Variants in AP2A2 observed in about 807,000 individuals in gnomAD.
The protein encoded by AP2A2 is adaptor related protein complex 2 subunit alpha 2.
AP2A2 carries 32 observed loss-of-function variants against 104.2 expected under a neutral mutation model. The ratio of observed to expected loss-of-function variants is 0.31; its 90% confidence interval spans 0.23 to 0.41. The LOEUF (loss-of-function observed/expected upper bound fraction) is 0.41. Ranked by LOEUF, AP2A2 falls within the 10% of genes least tolerant of loss-of-function variation. The probability of loss-of-function intolerance (pLI) is 1.00; values close to 1 mark genes in which losing one functional copy is unlikely to be tolerated. For synonymous variants in AP2A2, 539 were observed against 533.3 expected (o/e 1.01, Z -0.15); for missense variants, 912 against 1,261.0 (o/e 0.72, Z 4.19).
chr11:946,162 G>T (rs1295776529), intron 1 of AP2A2, among the ~76,000 whole-genome samples: 2 of 152,192 alleles, frequency 1.3e-5, no homozygotes, highest in Non-Finnish European at 1.5e-5. Context: ...ACTCTGAGGA[G>T]CTTTTATCTG....
At position 994,076 on chromosome 11, in the gene AP2A2, C is replaced by T; in HGVS notation, c.1787C>T (p.Thr596Ile). The change falls in exon 14 of 22, where the codon ACC (threonine) becomes ATC (isoleucine). Residue 596 changes from threonine to isoleucine, a missense_variant. Transcript: ENST00000448903. ...CCACCCTGTGTTCTTTCCAAGGCGA[C>T]CGTGCTGGAGGAGATGCCCCCATTC... ...STVASTDILA[T>I]VLEEMPPFPE... The T allele has an allele frequency of 3.1e-6, 5 of 1,612,680 alleles. No homozygotes were observed. The highest frequency in any genetic ancestry group is 4.2e-6 in the Non-Finnish European group (5 of 1,179,674).
intron 1 of AP2A2, among the ~76,000 whole-genome samples, chr11:937,979 A>G (rs567176427): frequency 6.6e-6 from 1 of 152,252 alleles, no homozygotes; most frequent in East Asian, 1.9e-4. Flanking sequence ...TCTGCCTCTG[A>G]TTGCCTGGAG....
chr11:1,010,949 G>A lies in AP2A2; in HGVS notation c.*324G>A, dbSNP rs763287386. On this transcript the variant is annotated 3_prime_UTR_variant, in exon 22 of 22. Transcript: ENST00000448903. ...TGGCGTGAACGTGGCGTTTGTGGGA[G>A]TGTCACTGAGATGGCCCGTGCTGCC... 6 of 726,198 alleles carry A rather than the reference G, an allele frequency of 8.3e-6. No individual in the cohort carries two copies. The highest frequency in any genetic ancestry group is 4.3e-5 in the South Asian group (3 of 70,296). 45.0% of individuals were successfully genotyped at this position (726,198 alleles called of 1,614,324 possible). A position where few individuals can be genotyped will look rare whatever the true frequency, so the allele number is the denominator to read the frequency against.
intron 2 of AP2A2, among the ~76,000 whole-genome samples, chr11:961,438 T>C (rs1324885966): frequency 1.5e-5 from 2 of 130,396 alleles, no homozygotes; most frequent in Non-Finnish European, 3.2e-5. Flanking sequence ...CAGAAGCAGA[T>C]GGAGATGTGG....
At chr11:1,010,341 G>A in intron 21 of AP2A2, 1 of 592,184 alleles carries the variant, frequency 1.7e-6, no homozygotes, top group Non-Finnish European at 3.0e-6. Flanking sequence ...ACTCCCGCCA[G>A]CTACGTACGA....
chr11:977,533 G>A (rs894079744), intron 5 of AP2A2, among the ~76,000 whole-genome samples: 5 of 150,076 alleles, frequency 3.3e-5, no homozygotes, highest in African/African-American at 1.2e-4. Flanking sequence ...CTGGTGTCCC[G>A]GCTGCCTGTG....
chr11:960,107 A>G (rs1854379010), intron 2 of AP2A2, among the ~76,000 whole-genome samples: 2 of 152,230 alleles, frequency 1.3e-5, no homozygotes, highest in South Asian at 4.1e-4. Context: ...GCCCAGGCAC[A>G]ATGAGTCGGG....
chr11:976,128 G>A (rs1302572250), intron 4 of AP2A2, among the ~76,000 whole-genome samples: 12 of 152,160 alleles, frequency 7.9e-5, no homozygotes, highest in African/African-American at 2.2e-4. Flanking sequence ...ACGTGGCCTC[G>A]ACCACACATC....
At chr11:953,723 T>G (rs535233135) in intron 1 of AP2A2, among the ~76,000 whole-genome samples, 12 of 152,194 alleles carry the variant, frequency 7.9e-5, no homozygotes, top group Non-Finnish European at 1.5e-4. Flanking sequence ...GCCAGGTCAC[T>G]CCATCCCTGG....
chr11:1,009,891 G>A, intron 21 of AP2A2, 74 bp downstream of exon 21: 4 of 1,479,692 alleles, frequency 2.7e-6, no homozygotes, highest in Non-Finnish European at 3.6e-6. Context: ...GGTGAGATGT[G>A]TAGCTCTTTA....
intron 15 of AP2A2, among the ~76,000 whole-genome samples, chr11:1,003,224 G>GA (rs1193831513): frequency 2.0e-5 from 3 of 152,272 alleles, no homozygotes; most frequent in Non-Finnish European, 4.4e-5. Context: ...GGAGAGGCCA[G>GA]AGGGGAGATG....
intron 9 of AP2A2, among the ~76,000 whole-genome samples, chr11:987,463 C>T (rs1314831580): frequency 1.3e-5 from 2 of 151,844 alleles, no homozygotes; most frequent in African/African-American, 4.8e-5. Flanking sequence ...TCCCGGCTAA[C>T]ACGGTGAAAC....
chr11:999,503 A>T (rs1590015528), intron 14 of AP2A2, among the ~76,000 whole-genome samples: 1 of 152,104 alleles, frequency 6.6e-6, no homozygotes, highest in Non-Finnish European at 1.5e-5. Flanking sequence ...TCTCAAAAAA[A>T]ACAAAAACAG....
chr11:950,289 G>A (rs545656263), intron 1 of AP2A2, among the ~76,000 whole-genome samples: 1 of 149,002 alleles, frequency 6.7e-6, no homozygotes, highest in Non-Finnish European at 1.5e-5. Flanking sequence ...ACAGGAGTAA[G>A]TTTCTGTGAC....
rs1855470825 is a variant in AP2A2, at chr11:986,719, A to G, written c.963-66A>G. On this transcript the variant is annotated intron_variant, in intron 8 of 21. Transcript: ENST00000448903. ...GCCATCTGGACCCGTCGGGGAACGC[A>G]GACTCTGTCCAGTTTGTGTTGCACT... 4 of 1,561,006 alleles carry G rather than the reference A, an allele frequency of 2.6e-6. No individual in the cohort carries two copies. The East Asian group carries it at 6.9e-5, about 27-fold the overall frequency.
intron 10 of AP2A2, among the ~76,000 whole-genome samples, chr11:990,419 G>T (rs1219960198): frequency 1.3e-5 from 2 of 152,198 alleles, no homozygotes; most frequent in Non-Finnish European, 2.9e-5. Flanking sequence ...TCTGGGGACG[G>T]CCGTCACGGG....
chr11:1,008,040 C>T lies in AP2A2; in HGVS notation c.2325C>T (p.Asp775=). The T allele has an allele frequency of 6.4e-7, 1 of 1,568,014 alleles. No individual in the cohort carries two copies. The highest frequency in any genetic ancestry group is 8.6e-7 in the Non-Finnish European group (1 of 1,157,244). ...PNLNLQTKPV[D]PTVEGGAQVQ... The stretch of plus-strand genomic sequence containing the variant: ...TGAACCTGCAGACCAAGCCCGTGGA[C>T]CCGACCGTGGAGGGGGGCGCGCAGG... Residue 775 remains aspartate, a synonymous_variant, in exon 18 of 22, where the codon GAC becomes GAT. Transcript: ENST00000448903.
intron 1 of AP2A2, among the ~76,000 whole-genome samples, chr11:926,805 C>T (rs934920116): frequency 6.6e-6 from 1 of 152,194 alleles, no homozygotes; most frequent in African/African-American, 2.4e-5. Flanking sequence ...TCGTTCTCAG[C>T]CCCGTGCCTG....
chr11:973,041 C>A (rs1854888367), intron 4 of AP2A2, among the ~76,000 whole-genome samples: 1 of 152,264 alleles, frequency 6.6e-6, no homozygotes, highest in South Asian at 2.1e-4. Flanking sequence ...GCAGGGCCCC[C>A]ACCTGTGTGT....
Sources: allele counts gnomAD v4.1 joint callset (sites outside exome capture counted in the v4.1 genomes callset), GRCh38; gene constraint gnomAD v4.1.1; transcripts MANE v1.5; gene names NCBI Gene and HGNC (gene_info 2026-07-23, HGNC 2026-07-21).